Variants in LEKR1 observed in about 807,000 individuals in gnomAD.
LEKR1 encodes the protein protein LEKR1.
A neutral mutation model predicts 72.4 loss-of-function variants in LEKR1; 59 were observed. That is an observed-to-expected ratio of 0.82 (90% CI 0.66 to 1.01). The LOEUF is 1.01. Among genes scored for constraint, LEKR1 ranks in the 50% least tolerant of loss-of-function variants. LEKR1 has a pLI of 0.00. For missense variants in LEKR1, 728 were observed against 759.2 expected, an observed-to-expected ratio of 0.96 and a Z score of 0.48; for synonymous variants, 257 against 263.2, an observed-to-expected ratio of 0.98 and a Z score of 0.23.
chr3:156,954,052 A>G (rs141116317), intron 6 of LEKR1, among the ~76,000 whole-genome samples: 63 of 151,818 alleles, frequency 4.1e-4, no homozygotes, highest in African/African-American at 1.4e-3. Flanking sequence ...TTTAATAATC[A>G]CCATTCTGAC....
chr3:156,984,783 A>C (rs535250119), intron 7 of LEKR1, among the ~76,000 whole-genome samples: 2 of 151,994 alleles, frequency 1.3e-5, no homozygotes, highest in Middle Eastern at 6.8e-3. Flanking sequence ...TTACATTTTA[A>C]TTTCATTAAC....
At chr3:156,961,210 A>T (rs1233752210) in intron 6 of LEKR1, among the ~76,000 whole-genome samples, 1 of 152,274 alleles carries the variant, frequency 6.6e-6, no homozygotes, top group East Asian at 1.9e-4. Context: ...CAAATACTTT[A>T]AAAAATGATT....
rs564996128 is a variant in LEKR1 at position 157,033,115 on chromosome 3, T to C, written c.1668+4713T>C. Among the ~76,000 whole-genome samples the C allele has an allele frequency of 3.4e-3, 512 of 152,266 alleles. 4 individuals carry two copies. The highest frequency in any genetic ancestry group is 0.012 in the African/African-American group (495 of 41,552). On this transcript the variant is annotated intron_variant, in intron 12 of 12. Coordinates refer to ENST00000356539, the MANE Select transcript of LEKR1 (RefSeq NM_001004316.3). Reference sequence around the variant, plus strand: ...CACTGACTGGCCAGTCCTCCATCTCTCTTCTGCTCAGGACTCCCTATTTGC... The same window carrying C: ...CACTGACTGGCCAGTCCTCCATCTCCCTTCTGCTCAGGACTCCCTATTTGC...
chr3:156,921,002 G>C (rs1217885754), intron 4 of LEKR1: 1 of 179,102 alleles, frequency 5.6e-6, no homozygotes, highest in Non-Finnish European at 1.2e-5. Context: ...TGGTGTATTT[G>C]ATCCTCTGAG....
At chr3:156,950,772 CTG>C (rs1474868549) in intron 6 of LEKR1, among the ~76,000 whole-genome samples, 23 of 151,512 alleles carry the variant, frequency 1.5e-4, no homozygotes, top group African/African-American at 5.6e-4. Context: ...TGTGTCAAGA[CTG>C]AGGAGTTTTC....
chr3:156,895,906 C>T (rs758260103), intron 3 of LEKR1, among the ~76,000 whole-genome samples: 19 of 152,058 alleles, frequency 1.2e-4, no homozygotes, highest in Admixed American at 4.6e-4. Context: ...GACACATGCA[C>T]GCATATGTTC....
intron 9 of LEKR1, among the ~76,000 whole-genome samples, chr3:157,008,061 C>T (rs1473087898): frequency 6.6e-6 from 1 of 152,208 alleles, no homozygotes; most frequent in African/African-American, 2.4e-5. Context: ...TTGCTCTCCT[C>T]ATTCTTTATT....
Position 156,979,220 on chromosome 3 carries a change from G to A in LEKR1, c.772G>A (p.Gly258Arg). Residue 258 changes from glycine (G) to arginine (R), a missense_variant, in exon 7 of 13, where the codon GGA becomes AGA. Physicochemically the swap from Gly to Arg is moderately radical, Grantham distance 125 (BLOSUM62 -2). Transcript: ENST00000356539. ...TTTACAATGTCTAGTAGAGGCACTT[G>A]GATTAAAACTTCAGAAGGCGGTGAC... Reference protein sequence around the residue: ...LDLQCLVEALGLKLQKAVTEM... With the variant: ...LDLQCLVEALRLKLQKAVTEM... 1.6e-6 allele frequency: 2 copies of A among 1,286,108 alleles called. No individual in the cohort carries two copies. Among genetic ancestry groups the A allele is most frequent in the African/African-American group, 1.5e-5 (1 of 65,880 alleles). The allele number at this position is 1,286,108 out of a possible 1,614,324, so 79.7% of individuals were successfully genotyped here.
chr3:156,868,139 T>G (rs1047206480), intron 3 of LEKR1, among the ~76,000 whole-genome samples: 1 of 152,090 alleles, frequency 6.6e-6, no homozygotes, highest in African/African-American at 2.4e-5. Context: ...TCCCGGCATT[T>G]CAGGTTCTGT....
At chr3:156,948,431 C>G (rs1229570574) in intron 6 of LEKR1, among the ~76,000 whole-genome samples, 4 of 151,114 alleles carry the variant, frequency 2.6e-5, no homozygotes, top group African/African-American at 7.3e-5. Context: ...TACAACTTCC[C>G]AAAAGAGTTC....
intron 6 of LEKR1, among the ~76,000 whole-genome samples, chr3:156,959,861 T>C (rs1727958619): frequency 6.6e-6 from 1 of 152,220 alleles, no homozygotes; most frequent in African/African-American, 2.4e-5. Flanking sequence ...CCCTTATTTC[T>C]TACTTTTGAA....
chr3:156,873,285 T>C (rs1718177630), intron 3 of LEKR1, among the ~76,000 whole-genome samples: 1 of 152,118 alleles, frequency 6.6e-6, no homozygotes, highest in Non-Finnish European at 1.5e-5. Flanking sequence ...TTTGCATCTC[T>C]TTCTTTTCAT....
chr3:157,039,969 A>G (rs1011744853), intron 12 of LEKR1, among the ~76,000 whole-genome samples: 8 of 152,194 alleles, frequency 5.3e-5, no homozygotes, highest in Non-Finnish European at 1.2e-4. Context: ...TCCAGCAGGA[A>G]ACATGGGGAG....
intron 3 of LEKR1, among the ~76,000 whole-genome samples, chr3:156,878,040 C>T (rs899343008): frequency 2.6e-5 from 4 of 151,962 alleles, no homozygotes; most frequent in Non-Finnish European, 5.9e-5. Flanking sequence ...CTCAGCCTCC[C>T]AAAATGTTGG....
chr3:157,015,953 A>G (rs920184699), intron 10 of LEKR1, among the ~76,000 whole-genome samples: 1 of 152,292 alleles, frequency 6.6e-6, no homozygotes, highest in African/African-American at 2.4e-5. Flanking sequence ...TTGATGGCAG[A>G]TTAGACATTC....
At chr3:156,955,908 AAAT>A (rs1413758942) in intron 6 of LEKR1, among the ~76,000 whole-genome samples, 1 of 151,758 alleles carries the variant, frequency 6.6e-6, no homozygotes, top group Non-Finnish European at 1.5e-5. Flanking sequence ...ACTAGCTTAA[AAAT>A]AATAATAAGG....
intron 5 of LEKR1, among the ~76,000 whole-genome samples, chr3:156,938,005 AG>A (rs1189328713): frequency 1.3e-5 from 2 of 152,200 alleles, no homozygotes; most frequent in Non-Finnish European, 2.9e-5. Context: ...GCCAGGGATT[AG>A]GGATGATGGG....
intron 7 of LEKR1, among the ~76,000 whole-genome samples, chr3:156,989,118 C>A (rs571114398): frequency 6.6e-6 from 1 of 152,094 alleles, no homozygotes; most frequent in Admixed American, 6.6e-5. Context: ...TGTGAGCCAC[C>A]GTGCCCAGCC....
At chr3:156,843,829 G>A (rs991304288) in intron 2 of LEKR1, among the ~76,000 whole-genome samples, 10 of 151,736 alleles carry the variant, frequency 6.6e-5, no homozygotes, top group African/African-American at 2.4e-4. Context: ...GTTGTGATGT[G>A]TGTGTGTGTG....
Sources: allele counts gnomAD v4.1 joint callset (sites outside exome capture counted in the v4.1 genomes callset), GRCh38; gene constraint gnomAD v4.1.1; transcripts MANE v1.5; gene names NCBI Gene and HGNC (gene_info 2026-07-23, HGNC 2026-07-21).